The following RIPOR2 variants were observed in gnomAD, a reference collection of about 807,000 sequenced individuals.
RIPOR2 encodes rho family-interacting cell polarization regulator 2.
A neutral mutation model predicts 114.5 loss-of-function variants in RIPOR2; 39 were observed. That is an observed-to-expected ratio of 0.34 (90% confidence interval 0.26 to 0.44). The LOEUF is 0.44. RIPOR2 is among the 20% of genes least tolerant of loss of function. The pLI, the probability that RIPOR2 is intolerant of heterozygous loss-of-function variation, is 1.00. For synonymous variants in RIPOR2, 445 were observed against 484.4 expected, an observed-to-expected ratio of 0.92 and a Z score of 1.07; for missense variants, 1,007 against 1,255.1, an observed-to-expected ratio of 0.80 and a Z score of 2.99.
intron 1 of RIPOR2, among the ~76,000 whole-genome samples, chr6:24,918,171 G>C (rs1770225919): frequency 6.6e-6 from 1 of 152,168 alleles, no homozygotes; most frequent in South Asian, 2.1e-4. Flanking sequence ...CTCCCTATGA[G>C]GTCACCTTGG....
intron 1 of RIPOR2, among the ~76,000 whole-genome samples, chr6:24,911,509 C>G (rs1020817504): frequency 3.9e-5 from 6 of 152,226 alleles, no homozygotes; most frequent in South Asian, 2.1e-4. Flanking sequence ...AGGTTGGCTG[C>G]CCACGGCAAG....
chr6:24,922,730 T>G (rs547582786), intron 1 of RIPOR2, among the ~76,000 whole-genome samples: 37 of 151,552 alleles, frequency 2.4e-4, no homozygotes, highest in Non-Finnish European at 3.4e-4. Flanking sequence ...TGTGTTGGCG[T>G]GCACCTGTAG....
chr6:24,935,012 G>A (rs1383299225), intron 1 of RIPOR2, among the ~76,000 whole-genome samples: 1 of 152,072 alleles, frequency 6.6e-6, no homozygotes, highest in Non-Finnish European at 1.5e-5. Context: ...GGAAGAGTAA[G>A]AGAGAAGGAC....
intron 1 of RIPOR2, among the ~76,000 whole-genome samples, chr6:24,981,200 G>A (rs962002057): frequency 5.9e-5 from 9 of 152,128 alleles, no homozygotes; most frequent in African/African-American, 2.2e-4. Flanking sequence ...GAGTTGCCTC[G>A]TGGGTAAGTA....
intron 1 of RIPOR2, among the ~76,000 whole-genome samples, chr6:25,003,152 C>T (rs1038750419): frequency 1.2e-4 from 18 of 152,234 alleles, no homozygotes; most frequent in Middle Eastern, 3.4e-3. Context: ...AGTCACTTCT[C>T]GACCGTTCAC....
chr6:24,835,739 G>A lies in RIPOR2; in HGVS notation c.2172C>T (p.Ile724=), dbSNP rs1248545595. Reference sequence around the variant, plus strand: ...GGGTGCAGTACTGGAGGTGCCTGACGATGGTGATGTCCAGGCTCTCGTTGC... The same window carrying A: ...GGGTGCAGTACTGGAGGTGCCTGACAATGGTGATGTCCAGGCTCTCGTTGC... ...TTGNESLDIT[I]VRHLQYCTQL... is the part of the protein sequence containing the mutation. Residue 724 remains isoleucine (I), a synonymous_variant, in exon 15 of 22, where the codon ATC becomes ATT. Coordinates refer to ENST00000643898, the MANE Select transcript of RIPOR2 (RefSeq NM_001286445.3). The A allele has an allele frequency of 6.4e-7, 1 of 1,551,616 alleles. No homozygotes were observed. Among genetic ancestry groups the A allele is most frequent in the Admixed American group, 2.0e-5 (1 of 50,986 alleles).
At chr6:24,922,285 A>C (rs1432812682) in intron 1 of RIPOR2, among the ~76,000 whole-genome samples, 4 of 152,182 alleles carry the variant, frequency 2.6e-5, no homozygotes, top group African/African-American at 9.7e-5. Context: ...AGAGTTCCTA[A>C]AACTGACGCC....
At chr6:24,875,880 C>T in intron 1 of RIPOR2, 63 bp from the exon 2 acceptor site, 1 of 1,464,058 alleles carries the variant, frequency 6.8e-7, no homozygotes, top group Non-Finnish European at 9.3e-7. Flanking sequence ...ATGCACTAAG[C>T]TTGTCAACAA....
intron 19 of RIPOR2, among the ~76,000 whole-genome samples, chr6:24,820,959 G>T (rs189350810): frequency 3.0e-5 from 4 of 132,684 alleles, no homozygotes; most frequent in Non-Finnish European, 4.6e-5. Flanking sequence ...TGCAAACTCC[G>T]CCTCCTGGGT....
At chr6:24,831,203 G>A (rs1760665887) in intron 16 of RIPOR2, among the ~76,000 whole-genome samples, 1 of 152,134 alleles carries the variant, frequency 6.6e-6, no homozygotes, top group Non-Finnish European at 1.5e-5. Context: ...CCTGCTTGGG[G>A]AGCAAAGAAA....
intron 1 of RIPOR2, among the ~76,000 whole-genome samples, chr6:25,022,036 T>C (rs1346931790): frequency 6.6e-6 from 1 of 152,182 alleles, no homozygotes; most frequent in Admixed American, 6.5e-5. Context: ...TGTAATTATG[T>C]AGAAATGAAC....
intron 20 of RIPOR2, among the ~76,000 whole-genome samples, chr6:24,810,721 T>C (rs1781087801): frequency 1.3e-5 from 2 of 152,160 alleles, no homozygotes; most frequent in South Asian, 4.1e-4. Context: ...AGCACCCAAA[T>C]AGCAATCACT....
chr6:24,936,019 G>A (rs1771784628), upstream of RIPOR2: 4 of 677,722 alleles, frequency 5.9e-6, no homozygotes, highest in Non-Finnish European at 1.0e-5. Context: ...GGCAGCTTCC[G>A]CATCTGCCCT....
intron 6 of RIPOR2, among the ~76,000 whole-genome samples, chr6:24,868,479 G>A (rs975582583): frequency 6.6e-5 from 10 of 152,190 alleles, no homozygotes; most frequent in Non-Finnish European, 1.5e-4. Context: ...AATAACTCCT[G>A]ATAGTGCCCA....
At chr6:24,845,594 C>G (rs1305985237) in intron 12 of RIPOR2, among the ~76,000 whole-genome samples, 1 of 152,196 alleles carries the variant, frequency 6.6e-6, no homozygotes, top group East Asian at 1.9e-4. Flanking sequence ...AAGACTCAAG[C>G]TCAATTTCCA....
intron 1 of RIPOR2, 120 bp from the exon 2 acceptor site, chr6:24,875,937 G>T: frequency 1.1e-6 from 1 of 923,734 alleles, no homozygotes; most frequent in Non-Finnish European, 1.6e-6. Context: ...GTGCTTGTGA[G>T]GTTCTTTATT....
chr6:24,989,377 C>A (rs1215919152), intron 1 of RIPOR2, among the ~76,000 whole-genome samples: 6 of 151,378 alleles, frequency 4.0e-5, no homozygotes, highest in Non-Finnish European at 7.4e-5. Flanking sequence ...CTCACTGCAA[C>A]CTCCGCCTCC....
intron 7 of RIPOR2, among the ~76,000 whole-genome samples, chr6:24,864,191 C>A (rs1275051099): frequency 6.6e-6 from 1 of 152,020 alleles, no homozygotes; most frequent in Non-Finnish European, 1.5e-5. Context: ...GTAGTCCCAG[C>A]TACTTGGGAA....
chr6:24,921,293 G>A (rs569096350), intron 1 of RIPOR2, among the ~76,000 whole-genome samples: 83 of 151,922 alleles, frequency 5.5e-4, no homozygotes, highest in African/African-American at 1.8e-3. Context: ...CTCCTGAGTA[G>A]CTGGGACTAT....
Sources: allele counts gnomAD v4.1 joint callset (sites outside exome capture counted in the v4.1 genomes callset), GRCh38; gene constraint gnomAD v4.1.1; transcripts MANE v1.5; gene names NCBI Gene and HGNC (gene_info 2026-07-23, HGNC 2026-07-21).